Variants in SIL1 observed in about 807,000 individuals in gnomAD.
SIL1 encodes the protein SIL1 nucleotide exchange factor, also known as nucleotide exchange factor SIL1.
Under a neutral mutation model 49.1 loss-of-function variants are expected in SIL1, and 40 were observed. That is an observed-to-expected ratio of 0.81 (90% CI 0.63 to 1.06). The LOEUF (loss-of-function observed/expected upper bound fraction) is 1.06, where lower values mean the gene tolerates loss of function less well. Among genes scored for constraint, SIL1 ranks in the 50% least tolerant of loss-of-function variants. The pLI, the probability that SIL1 is intolerant of heterozygous loss-of-function variation, is 0.00. For missense variants in SIL1, 500 were observed against 572.6 expected, an observed-to-expected ratio of 0.87 and a Z score of 1.29; for synonymous variants, 253 against 250.8, an observed-to-expected ratio of 1.01 and a Z score of -0.08.
At chr5:139,146,604 G>GA (rs946121165) in intron 1 of SIL1, among the ~76,000 whole-genome samples, 1 of 151,894 alleles carries the variant, frequency 6.6e-6, no homozygotes, top group Non-Finnish European at 1.5e-5. Context: ...ACTTAAGAAA[G>GA]AAAAAAATAT....
chr5:139,001,236 A>G (rs898388389), intron 7 of SIL1, among the ~76,000 whole-genome samples: 1 of 152,238 alleles, frequency 6.6e-6, no homozygotes. Context: ...CATCAAACAC[A>G]GTATGAGTTT....
chr5:138,979,074 AT>A (rs565854209), intron 7 of SIL1, among the ~76,000 whole-genome samples: 17 of 134,918 alleles, frequency 1.3e-4, no homozygotes, highest in African/African-American at 5.0e-4. Context: ...ATTTTATTTT[AT>A]TTTTTTTTTG....
chr5:138,985,877 A>G (rs139942317), intron 7 of SIL1, among the ~76,000 whole-genome samples: 1,825 of 152,318 alleles, frequency 0.012, 34 homozygotes, highest in African/African-American at 0.041. Context: ...TGGCCAGTGA[A>G]GTAGAGCCCG....
chr5:139,082,945 A>G (rs1770119671), intron 3 of SIL1, among the ~76,000 whole-genome samples: 1 of 152,238 alleles, frequency 6.6e-6, no homozygotes, highest in Non-Finnish European at 1.5e-5. Context: ...GGAAGGCCCC[A>G]GGATACCCAG....
intron 3 of SIL1, among the ~76,000 whole-genome samples, chr5:139,068,073 G>T (rs4516844): frequency 9.9e-5 from 15 of 152,132 alleles, no homozygotes; most frequent in African/African-American, 3.6e-4. Flanking sequence ...GCAAAAATAA[G>T]TTGCATATAT....
intron 7 of SIL1, among the ~76,000 whole-genome samples, chr5:138,959,182 T>C (rs1286122055): frequency 6.6e-6 from 1 of 152,220 alleles, no homozygotes; most frequent in Non-Finnish European, 1.5e-5. Flanking sequence ...GAGCCCTTTT[T>C]GAAAATACAG....
intron 3 of SIL1, among the ~76,000 whole-genome samples, chr5:139,078,898 C>T (rs1159487960): frequency 6.6e-6 from 1 of 152,214 alleles, no homozygotes; most frequent in East Asian, 1.9e-4. Flanking sequence ...TCTAGACCAG[C>T]ACTGTCCAAT....
rs558158818 is a variant in SIL1, at chr5:139,056,100, G to A, written c.245-5054C>T. The stretch of plus-strand genomic sequence containing the variant: ...CCTCTGCCCGGCCGCCACCCCGTCT[G>A]GGAAGTGAGGAGCGTCTCTGCTTGG... On this transcript the variant is annotated intron_variant, in intron 3 of 9. Coordinates refer to ENST00000394817, the MANE Select transcript of SIL1 (RefSeq NM_022464.5). Among the ~76,000 whole-genome samples, 832 of 151,284 alleles carry A rather than the reference G, an allele frequency of 5.5e-3. 2 individuals are homozygous for A. The highest frequency in any genetic ancestry group is 0.019 in the African/African-American group (797 of 41,216).
At chr5:139,016,521 T>G (rs972398838) in intron 7 of SIL1, among the ~76,000 whole-genome samples, 1 of 152,060 alleles carries the variant, frequency 6.6e-6, no homozygotes, top group African/African-American at 2.4e-5. Flanking sequence ...TGGAGGAATC[T>G]TTGTGAATAG....
At chr5:139,165,440 C>T (rs1372395674) in intron 1 of SIL1, among the ~76,000 whole-genome samples, 1 of 150,834 alleles carries the variant, frequency 6.6e-6, no homozygotes, top group East Asian at 1.9e-4. Flanking sequence ...CCTCCACCTC[C>T]CAGGTTCAAG....
At chr5:139,114,918 T>C (rs538686318) in intron 3 of SIL1, among the ~76,000 whole-genome samples, 2 of 152,292 alleles carry the variant, frequency 1.3e-5, no homozygotes, top group East Asian at 1.9e-4. Flanking sequence ...CTTAAGTCAT[T>C]ACTTCCTTAA....
intron 3 of SIL1, among the ~76,000 whole-genome samples, chr5:139,098,809 C>CTTT (rs59863544): frequency 0.18 from 15,960 of 88,674 alleles, 2,075 homozygotes; most frequent in Non-Finnish European, 0.25. Context: ...TTTTCTTACT[C>CTTT]TTTTTTTTTT....
chr5:139,045,495 C>T (rs183207012), intron 4 of SIL1, among the ~76,000 whole-genome samples: 1 of 152,112 alleles, frequency 6.6e-6, no homozygotes, highest in Non-Finnish European at 1.5e-5. Context: ...TGGAGTTCAG[C>T]CCTGTCAATC....
At chr5:139,034,631 C>T (rs1044718625) in intron 5 of SIL1, among the ~76,000 whole-genome samples, 2 of 152,146 alleles carry the variant, frequency 1.3e-5, no homozygotes, top group Non-Finnish European at 2.9e-5. Context: ...ATCCTTTCTT[C>T]CTCCTAATTG....
At chr5:139,031,350 GC>G (rs1359680419) in intron 5 of SIL1, among the ~76,000 whole-genome samples, 2 of 151,858 alleles carry the variant, frequency 1.3e-5, no homozygotes, top group African/African-American at 4.8e-5. Flanking sequence ...GCTTATGGAT[GC>G]CCACTATTTG....
At chr5:139,039,199 C>T (rs181269657) in intron 5 of SIL1, among the ~76,000 whole-genome samples, 9 of 152,332 alleles carry the variant, frequency 5.9e-5, no homozygotes, top group Admixed American at 5.9e-4. Context: ...CCACTTTTTA[C>T]TGCCTTCTAC....
intron 3 of SIL1, among the ~76,000 whole-genome samples, chr5:139,120,527 G>A (rs1264263840): frequency 6.6e-6 from 1 of 152,162 alleles, no homozygotes; most frequent in East Asian, 1.9e-4. Context: ...CTTGGGCCCA[G>A]GCTCATGAAA....
At chr5:139,178,581 A>G (rs1751927569) in intron 1 of SIL1, among the ~76,000 whole-genome samples, 1 of 152,042 alleles carries the variant, frequency 6.6e-6, no homozygotes, top group South Asian at 2.1e-4. Context: ...CCAGGCCCTC[A>G]GCCTGAAATT....
At chr5:138,977,497 A>G (rs1767419944) in intron 7 of SIL1, among the ~76,000 whole-genome samples, 1 of 151,550 alleles carries the variant, frequency 6.6e-6, no homozygotes, top group South Asian at 2.1e-4. Context: ...TCTTTTTGAC[A>G]CTAGGTCTTG....
Sources: gnomAD v4.1 joint callset for allele counts (sites outside exome capture counted in the v4.1 genomes callset) on GRCh38, gnomAD v4.1.1 for gene constraint, MANE v1.5 for transcripts, NCBI Gene and HGNC (gene_info 2026-07-23, HGNC 2026-07-21) for gene names.